The following NIPSNAP2 variants were observed in gnomAD, a reference collection of about 807,000 sequenced individuals.
NIPSNAP2 encodes the protein protein NipSnap homolog 2.
NIPSNAP2 carries 42 observed loss-of-function variants against 48.4 expected under a neutral mutation model. The observed-to-expected ratio is 0.87, with a 90% CI of 0.68 to 1.12. The LOEUF (loss-of-function observed/expected upper bound fraction) is 1.12. Ranked by LOEUF, NIPSNAP2 falls within the 50% of genes most tolerant of loss-of-function variation. The pLI is 0.00. For missense variants in NIPSNAP2, 314 were observed against 347.3 expected (o/e 0.90, Z 0.76); for synonymous variants, 158 against 126.6 (o/e 1.25, Z -1.67).
At chr7:55,977,841 T>C (rs773080029) in intron 1 of NIPSNAP2, among the ~76,000 whole-genome samples, 1 of 152,218 alleles carries the variant, frequency 6.6e-6, no homozygotes, top group Non-Finnish European at 1.5e-5. Flanking sequence ...GTTTATCTAC[T>C]CTAGGTATCC....
intron 7 of NIPSNAP2, among the ~76,000 whole-genome samples, chr7:55,986,219 T>C (rs984610971): frequency 6.7e-6 from 1 of 150,088 alleles, no homozygotes; most frequent in Non-Finnish European, 1.5e-5. Flanking sequence ...AATACAAAAA[T>C]TAACCGGGCA....
chr7:55,981,963 C>T (rs1314716104), intron 4 of NIPSNAP2: 4 of 340,390 alleles, frequency 1.2e-5, no homozygotes, highest in Non-Finnish European at 2.2e-5. Flanking sequence ...CCCACCACCA[C>T]ACCCAGGTAA....
At chr7:55,993,106 C>G (rs1006634248) in intron 7 of NIPSNAP2, among the ~76,000 whole-genome samples, 3 of 151,984 alleles carry the variant, frequency 2.0e-5, no homozygotes, top group African/African-American at 7.2e-5. Context: ...CAAGACCAGC[C>G]TGGCCAATGT....
intron 1 of NIPSNAP2, among the ~76,000 whole-genome samples, chr7:55,968,130 A>G (rs1786936827): frequency 6.6e-6 from 1 of 152,090 alleles, no homozygotes; most frequent in African/African-American, 2.4e-5. Context: ...TCCTAGTAGA[A>G]AGATCTCTAT....
chr7:55,984,797 T>A (rs758242697), intron 6 of NIPSNAP2, 50 bp from the exon 7 acceptor site: 30 of 1,210,746 alleles, frequency 2.5e-5, no homozygotes, highest in Non-Finnish European at 3.5e-5. Flanking sequence ...TATTTCTGTA[T>A]TTTTTTTTTC....
intron 1 of NIPSNAP2, among the ~76,000 whole-genome samples, chr7:55,973,619 C>A (rs1233987201): frequency 6.6e-6 from 1 of 151,190 alleles, no homozygotes; most frequent in East Asian, 1.9e-4. Context: ...GGATCACAGG[C>A]GTGTGCCACC....
At chr7:55,980,687 A>C (rs1007959908) in intron 3 of NIPSNAP2, 1 of 151,954 alleles carries the variant, frequency 6.6e-6, no homozygotes, top group African/African-American at 2.4e-5. Flanking sequence ...CCACTCTGAC[A>C]CCCCTGTTAA....
At chr7:55,972,265 C>T (rs1044286836) in intron 1 of NIPSNAP2, among the ~76,000 whole-genome samples, 4 of 150,566 alleles carry the variant, frequency 2.7e-5, no homozygotes, top group Non-Finnish European at 5.9e-5. Flanking sequence ...GAGATTGTGC[C>T]ACTATTGCCC....
chr7:55,972,434 CTTTTTTTTTTTT>C (rs562085477), intron 1 of NIPSNAP2, among the ~76,000 whole-genome samples: 1 of 136,688 alleles, frequency 7.3e-6, no homozygotes. Context: ...TTTTCTTTTT[CTTTTTTTTTTTT>C]TTTGAGACAG....
Position 55,981,502 on chromosome 7 carries a change from A to G in NIPSNAP2, c.308A>G (p.Asp103Gly). The G allele has an allele frequency of 6.2e-7, 1 of 1,614,002 alleles. No individual in the cohort carries two copies. The highest frequency in any genetic ancestry group is 8.5e-7 in the Non-Finnish European group (1 of 1,179,914). Reference protein sequence around the residue: ...CQEVLPKIHEDKHYPCTLVGT... With the variant: ...CQEVLPKIHEGKHYPCTLVGT... ...GAGGTGTTGCCAAAGATTCACGAAG[A>G]TAAACACTACCCTTGTACTTTGGTG... Residue 103 changes from aspartate (D) to glycine (G), a missense_variant, in exon 4 of 10, where the codon GAT becomes GGT. By Grantham distance (94) the Asp-to-Gly change is moderately conservative (BLOSUM62 -1). Coordinates refer to ENST00000322090, the MANE Select transcript of NIPSNAP2 (RefSeq NM_001483.3).
At chr7:55,997,128 C>T (rs1787577735) in intron 8 of NIPSNAP2, among the ~76,000 whole-genome samples, 1 of 150,384 alleles carries the variant, frequency 6.6e-6, no homozygotes, top group Non-Finnish European at 1.5e-5. Flanking sequence ...CATTGCGCTC[C>T]AGGCTGGTTG....
intron 7 of NIPSNAP2, among the ~76,000 whole-genome samples, chr7:55,990,372 G>C (rs1787418374): frequency 1.3e-5 from 2 of 151,888 alleles, no homozygotes; most frequent in Non-Finnish European, 2.9e-5. Flanking sequence ...GGGACTACAG[G>C]CACCAGCCAT....
intron 7 of NIPSNAP2, chr7:55,991,851 G>A (rs1054145079): frequency 1.9e-5 from 5 of 259,874 alleles, no homozygotes; most frequent in South Asian, 4.6e-5. Context: ...TGACCACCTC[G>A]TCTGTACAGG....
At chr7:55,982,807 A>G (rs948912888) in intron 5 of NIPSNAP2, among the ~76,000 whole-genome samples, 7 of 150,998 alleles carry the variant, frequency 4.6e-5, no homozygotes, top group Admixed American at 4.6e-4. Context: ...TATGCTTTGA[A>G]ACTGATAAGG....
intron 1 of NIPSNAP2, among the ~76,000 whole-genome samples, chr7:55,968,472 G>A (rs951829189): frequency 8.0e-5 from 12 of 149,864 alleles, no homozygotes; most frequent in African/African-American, 2.9e-4. Context: ...TGCAACCTCT[G>A]CCTCCCGGGT....
chr7:55,986,653 T>C (rs1787334022), intron 7 of NIPSNAP2, among the ~76,000 whole-genome samples: 1 of 151,588 alleles, frequency 6.6e-6, no homozygotes, highest in African/African-American at 2.4e-5. Flanking sequence ...CAGCAGACTG[T>C]TTCAAAACAA....
chr7:55,979,096 A>C (rs1315597645), intron 3 of NIPSNAP2: 2 of 152,268 alleles, frequency 1.3e-5, no homozygotes, highest in African/African-American at 4.8e-5. Context: ...GAAAGCAAAC[A>C]ATTTTGTCCC....
At chr7:55,976,466 A>G (rs1402800696) in intron 1 of NIPSNAP2, among the ~76,000 whole-genome samples, 1 of 152,250 alleles carries the variant, frequency 6.6e-6, no homozygotes, top group Non-Finnish European at 1.5e-5. Flanking sequence ...CGCAAGTGTC[A>G]TTATTGGGCT....
intron 1 of NIPSNAP2, among the ~76,000 whole-genome samples, chr7:55,973,861 A>G (rs1473319883): frequency 1.3e-5 from 2 of 152,154 alleles, no homozygotes; most frequent in South Asian, 2.1e-4. Context: ...ACAATATCCT[A>G]TGAATTGGTT....
Sources: gnomAD v4.1 joint callset for allele counts (sites outside exome capture counted in the v4.1 genomes callset) on GRCh38, gnomAD v4.1.1 for gene constraint, MANE v1.5 for transcripts, NCBI Gene and HGNC (gene_info 2026-07-23, HGNC 2026-07-21) for gene names.